JCAD: variants seen among roughly 807,000 people sequenced by gnomAD.
JCAD encodes junctional cadherin 5-associated protein.
A neutral mutation model predicts 98.0 loss-of-function variants in JCAD; 40 were observed. The ratio of observed to expected loss-of-function variants is 0.41; its 90% CI spans 0.32 to 0.53. JCAD has a LOEUF of 0.53. JCAD is among the 20% of genes least tolerant of loss of function. JCAD has a pLI of 0.31. For synonymous variants in JCAD, 691 were observed against 682.3 expected (o/e 1.01, Z -0.20); for missense variants, 1,705 against 1,738.1 (o/e 0.98, Z 0.34).
intron 2 of JCAD, among the ~76,000 whole-genome samples, chr10:30,046,764 T>G (rs930047162): frequency 1.3e-5 from 2 of 152,214 alleles, no homozygotes. Flanking sequence ...CTGTGCTAAG[T>G]GCTGCTGGAA....
At chr10:30,089,937 G>A (rs1264779878) in intron 1 of JCAD, among the ~76,000 whole-genome samples, 3 of 152,080 alleles carry the variant, frequency 2.0e-5, no homozygotes. Context: ...CAATTACATT[G>A]GTGAAAATGG....
At chr10:30,115,038 A>G (rs913819675) in intron 1 of JCAD, among the ~76,000 whole-genome samples, 1 of 152,232 alleles carries the variant, frequency 6.6e-6, no homozygotes, top group Non-Finnish European at 1.5e-5. Flanking sequence ...GACCAACCTC[A>G]GAGCCACTGC....
intron 1 of JCAD, among the ~76,000 whole-genome samples, chr10:30,099,010 A>C (rs1039262655): frequency 3.9e-5 from 6 of 152,152 alleles, no homozygotes; most frequent in Non-Finnish European, 5.9e-5. Context: ...CCAATTACTT[A>C]GGTGTCTATT....
At chr10:30,065,664 C>A (rs972881492) in intron 2 of JCAD, among the ~76,000 whole-genome samples, 2 of 152,108 alleles carry the variant, frequency 1.3e-5, no homozygotes, top group African/African-American at 4.8e-5. Context: ...CCATGCCCAG[C>A]TAATTTTTGT....
At chr10:30,051,997 T>G (rs1380529565) in intron 1 of JCAD, among the ~76,000 whole-genome samples, 1 of 152,242 alleles carries the variant, frequency 6.6e-6, no homozygotes, top group East Asian at 1.9e-4. Flanking sequence ...AAATGGATTC[T>G]CATCAAAGAT....
chr10:30,058,737 A>C (rs954765148), intron 1 of JCAD, among the ~76,000 whole-genome samples: 1 of 152,058 alleles, frequency 6.6e-6, no homozygotes, highest in African/African-American at 2.4e-5. Context: ...AGACCCTAGG[A>C]GGGCGGGTTC....
At chr10:30,048,010 C>G in intron 1 of JCAD, 139 bp from the exon 2 acceptor site, 1 of 537,702 alleles carries the variant, frequency 1.9e-6, no homozygotes, top group Admixed American at 3.5e-5. Context: ...AGAGGGGACA[C>G]AGGGATGGCT....
intron 1 of JCAD, among the ~76,000 whole-genome samples, chr10:30,053,059 G>T (rs1189958578): frequency 6.6e-6 from 1 of 152,036 alleles, no homozygotes; most frequent in African/African-American, 2.4e-5. Context: ...AAGATGAAAA[G>T]CATGGTCACC....
chr10:30,018,366 C>G (rs1466605398), intron 3 of JCAD, among the ~76,000 whole-genome samples: 1 of 150,312 alleles, frequency 6.7e-6, no homozygotes, highest in Non-Finnish European at 1.5e-5. Flanking sequence ...TGTGATCAAA[C>G]GCTGTCCCTT....
rs751430397 is a variant in JCAD at position 30,028,700 on chromosome 10, G to A, written c.1448C>T (p.Pro483Leu). The part of the protein sequence containing the change: ...AIWNPQSLIP[P>L]SGDERGLVLA... ...GACCAGGCCTCTCTCATCCCCCGACGGGGGTATTAAGCTCTGTGGATTCCA... is the reference window on the plus strand; with the variant it reads ...GACCAGGCCTCTCTCATCCCCCGACAGGGGTATTAAGCTCTGTGGATTCCA... The change falls in exon 3 of 4, where the codon CCG (proline) becomes CTG (leucine). Residue 483 changes from proline to leucine, a missense_variant. Pro to Leu is a moderately conservative substitution (Grantham distance 98). Around this residue, in one of 3 missense-constraint regions of JCAD, gnomAD observed 1,278 missense variants for 1,243.1 expected, o/e 1.03. Coordinates refer to ENST00000375377, the MANE Select transcript of JCAD (RefSeq NM_020848.4). 2.4e-5 allele frequency: 38 copies of A among 1,610,992 alleles called. No individual in the cohort carries two copies. Among genetic ancestry groups the A allele is most frequent in the South Asian group, 5.5e-5 (5 of 90,820 alleles).
At chr10:30,085,891 A>G (rs776731522) in intron 1 of JCAD, among the ~76,000 whole-genome samples, 12 of 148,378 alleles carry the variant, frequency 8.1e-5, no homozygotes, top group Middle Eastern at 3.2e-3. Context: ...TGTTTAGCCA[A>G]TTTCAAACAC....
intron 1 of JCAD, among the ~76,000 whole-genome samples, chr10:30,051,341 G>A (rs1257141335): frequency 2.6e-5 from 4 of 151,086 alleles, no homozygotes; most frequent in Non-Finnish European, 1.5e-5. Context: ...ATAATGTCTT[G>A]ATGGCAACGC....
intron 3 of JCAD, among the ~76,000 whole-genome samples, chr10:30,022,954 G>A (rs967260912): frequency 2.0e-5 from 3 of 152,034 alleles, no homozygotes; most frequent in African/African-American, 7.2e-5. Flanking sequence ...TTCCAGTCCT[G>A]CAAGCTCCAT....
At chr10:30,035,276 T>C (rs1252480677) in intron 2 of JCAD, among the ~76,000 whole-genome samples, 2 of 152,232 alleles carry the variant, frequency 1.3e-5, no homozygotes, top group Non-Finnish European at 2.9e-5. Context: ...AAAACTGCCA[T>C]ATATAACAAA....
intron 1 of JCAD, among the ~76,000 whole-genome samples, chr10:30,076,496 T>C (rs1432571828): frequency 6.6e-6 from 1 of 152,222 alleles, no homozygotes; most frequent in Non-Finnish European, 1.5e-5. Flanking sequence ...TTTATGTTTC[T>C]TTGAACTAGG....
chr10:30,082,618 G>A (rs571485065), intron 1 of JCAD, among the ~76,000 whole-genome samples: 1 of 152,056 alleles, frequency 6.6e-6, no homozygotes, highest in South Asian at 2.1e-4. Flanking sequence ...TTGGGAGGCT[G>A]AGGCAGGTGG....
At chr10:30,035,977 A>C (rs1015924404) in intron 2 of JCAD, among the ~76,000 whole-genome samples, 2 of 152,218 alleles carry the variant, frequency 1.3e-5, no homozygotes, top group African/African-American at 4.8e-5. Flanking sequence ...AACATCTGAA[A>C]TATGAGCATG....
Position 30,017,821 on chromosome 10 carries a change from A to T in JCAD, c.*62T>A. ...ATGGGGAAGTGGGGCTGATAGACTA[A>T]ATCTACCAGCTACTTGAGAATACTC... On this transcript the variant is annotated 3_prime_UTR_variant, in exon 4 of 4. Transcript: ENST00000375377. The T allele has an allele frequency of 6.7e-7, 1 of 1,492,082 alleles. No homozygotes were observed. The highest frequency in any genetic ancestry group is 9.4e-7 in the Non-Finnish European group (1 of 1,068,394). 92.4% of individuals were successfully genotyped at this position (1,492,082 alleles called of 1,614,324 possible).
rs909800068 is a variant in JCAD at position 30,027,367 on chromosome 10, G to C, written c.2781C>G (p.Ala927=). The change falls in exon 3 of 4, where the codon GCC becomes GCG. Residue 927 remains alanine (A), a synonymous_variant. Transcript: ENST00000375377. ...SEELQPGHPR[A]WPPSPGRFRV... is the part of the protein sequence containing the mutation. Reference sequence around the variant, plus strand: ...GAAAGCGGCCCGGGGATGGAGGCCAGGCACGTGGGTGGCCAGGCTGCAGCT... The same window carrying C: ...GAAAGCGGCCCGGGGATGGAGGCCACGCACGTGGGTGGCCAGGCTGCAGCT... The C allele has an allele frequency of 1.4e-5, 23 of 1,609,912 alleles. No individual in the cohort carries two copies. The highest frequency in any genetic ancestry group is 1.9e-5 in the Non-Finnish European group (23 of 1,180,026).
Sources: gnomAD v4.1 joint callset for allele counts (sites outside exome capture counted in the v4.1 genomes callset) on GRCh38, gnomAD v4.1.1 for gene constraint, gnomAD v4.1.1 regional missense constraint, MANE v1.5 for transcripts, NCBI Gene and HGNC (gene_info 2026-07-23, HGNC 2026-07-21) for gene names.